The following EYS variants were observed in gnomAD, a reference collection of about 807,000 sequenced individuals.
EYS encodes the protein EGF-like photoreceptor maintenance factor, also known as protein eyes shut homolog.
A neutral mutation model predicts 282.1 loss-of-function variants in EYS; 250 were observed. The ratio of observed to expected loss-of-function variants is 0.89; its 90% CI spans 0.80 to 0.98. The LOEUF (loss-of-function observed/expected upper bound fraction) is 0.98. Among genes scored for constraint, EYS ranks in the 50% least tolerant of loss-of-function variants. The pLI is 0.00. For missense variants in EYS, 4,016 were observed against 3,709.0 expected (o/e 1.08, Z -2.15); for synonymous variants, 1,355 against 1,282.9 (o/e 1.06, Z -1.20).
chr6:64,457,314 A>C (rs1216118455), intron 26 of EYS, among the ~76,000 whole-genome samples: 5 of 151,994 alleles, frequency 3.3e-5, no homozygotes, highest in African/African-American at 1.2e-4. Flanking sequence ...TTTTATGTTT[A>C]GTTGAAAAAA....
intron 5 of EYS, among the ~76,000 whole-genome samples, chr6:65,457,907 C>G (rs140075374): frequency 6.6e-6 from 1 of 152,200 alleles, no homozygotes; most frequent in East Asian, 1.9e-4. Flanking sequence ...GCTGCTCAAG[C>G]TCAGCAAGTA....
At chr6:64,186,563 C>T (rs1463698865) in intron 31 of EYS, among the ~76,000 whole-genome samples, 3 of 151,960 alleles carry the variant, frequency 2.0e-5, no homozygotes, top group Non-Finnish European at 4.4e-5. Context: ...TTTTTGGACC[C>T]CTTAAAAGAA....
intron 30 of EYS, among the ~76,000 whole-genome samples, chr6:64,288,370 A>G (rs575952059): frequency 1.1e-4 from 17 of 152,244 alleles, no homozygotes; most frequent in Non-Finnish European, 2.4e-4. Flanking sequence ...CAAATTCTGC[A>G]TTTCCAAAGT....
chr6:65,139,838 C>T (rs907794138), intron 12 of EYS, among the ~76,000 whole-genome samples: 1 of 152,042 alleles, frequency 6.6e-6, no homozygotes, highest in Admixed American at 6.6e-5. Flanking sequence ...CGAGGTATGT[C>T]AAAAGATGCC....
chr6:64,227,103 T>C (rs1766273384), intron 31 of EYS, among the ~76,000 whole-genome samples: 1 of 152,120 alleles, frequency 6.6e-6, no homozygotes, highest in Non-Finnish European at 1.5e-5. Flanking sequence ...GTCATGTTCT[T>C]TCATCAGTTA....
At chr6:64,546,779 T>A (rs1322059501) in intron 26 of EYS, among the ~76,000 whole-genome samples, 1 of 152,114 alleles carries the variant, frequency 6.6e-6, no homozygotes, top group African/African-American at 2.4e-5. Flanking sequence ...AAAATGCTCA[T>A]CATCACTGGC....
At chr6:65,317,740 A>C (rs997442754) in intron 11 of EYS, among the ~76,000 whole-genome samples, 1 of 151,408 alleles carries the variant, frequency 6.6e-6, no homozygotes, top group South Asian at 2.1e-4. Flanking sequence ...GACAGAGCTC[A>C]ATTCCTTGCT....
chr6:65,228,750 G>T (rs1268176885), intron 12 of EYS, among the ~76,000 whole-genome samples: 1 of 152,018 alleles, frequency 6.6e-6, no homozygotes, highest in Non-Finnish European at 1.5e-5. Context: ...AACACTCTCT[G>T]ACTTCGAGAC....
chr6:65,424,547 T>C (rs982631684), intron 5 of EYS, among the ~76,000 whole-genome samples: 3 of 152,018 alleles, frequency 2.0e-5, no homozygotes, highest in African/African-American at 7.2e-5. Flanking sequence ...ATTTTCCATG[T>C]TTAATGAAAG....
At chr6:63,977,644 C>T (rs1223693907) in intron 35 of EYS, among the ~76,000 whole-genome samples, 4 of 151,938 alleles carry the variant, frequency 2.6e-5, no homozygotes, top group Admixed American at 6.6e-5. Flanking sequence ...ATATTTTCCC[C>T]CTCAGGCAAC....
intron 37 of EYS, among the ~76,000 whole-genome samples, chr6:63,802,167 T>TA (rs1359626135): frequency 1.3e-5 from 2 of 152,254 alleles, no homozygotes; most frequent in African/African-American, 4.8e-5. Flanking sequence ...AGCTTTATGC[T>TA]ATATAAATTG....
intron 35 of EYS, among the ~76,000 whole-genome samples, chr6:63,921,240 AC>A (rs1764566688): frequency 6.6e-6 from 1 of 152,170 alleles, no homozygotes; most frequent in African/African-American, 2.4e-5. Context: ...TACCCGCTGC[AC>A]TGTGTGACTG....
intron 35 of EYS, among the ~76,000 whole-genome samples, chr6:63,949,503 T>A (rs987023209): frequency 2.6e-5 from 4 of 152,226 alleles, no homozygotes; most frequent in African/African-American, 9.6e-5. Context: ...GTTAGGTGCC[T>A]CCTAAAGCTC....
chr6:65,158,114 C>G (rs561357084), intron 12 of EYS, among the ~76,000 whole-genome samples: 1 of 150,936 alleles, frequency 6.6e-6, no homozygotes, highest in South Asian at 2.1e-4. Context: ...CAATATACAT[C>G]AAATATTCTC....
intron 2 of EYS, among the ~76,000 whole-genome samples, chr6:65,526,322 T>G (rs1198991484): frequency 6.6e-6 from 1 of 152,150 alleles, no homozygotes; most frequent in Non-Finnish European, 1.5e-5. Flanking sequence ...AACACAAAGA[T>G]TCAGAGATCA....
At chr6:65,177,023 A>G (rs1268898120) in intron 12 of EYS, among the ~76,000 whole-genome samples, 1 of 151,750 alleles carries the variant, frequency 6.6e-6, no homozygotes, top group Non-Finnish European at 1.5e-5. Context: ...TGTTTTCCAA[A>G]TCATTACTTA....
At chr6:64,744,881 T>C (rs763929064) in intron 22 of EYS, among the ~76,000 whole-genome samples, 11 of 152,324 alleles carry the variant, frequency 7.2e-5, no homozygotes, top group African/African-American at 2.4e-4. Context: ...TTTCCAGATA[T>C]ACTGGAAAGA....
chr6:65,216,058 G>A (rs1766304634), intron 12 of EYS, among the ~76,000 whole-genome samples: 1 of 151,934 alleles, frequency 6.6e-6, no homozygotes, highest in Non-Finnish European at 1.5e-5. Context: ...GTGTTCTTTT[G>A]TCAGCATGGT....
intron 26 of EYS, among the ~76,000 whole-genome samples, chr6:64,452,967 A>C (rs924811141): frequency 1.3e-5 from 2 of 152,244 alleles, no homozygotes; most frequent in African/African-American, 4.8e-5. Flanking sequence ...TTCATGTCTA[A>C]AACACCAAAA....
Sources: allele counts gnomAD v4.1 joint callset (sites outside exome capture counted in the v4.1 genomes callset), GRCh38; gene constraint gnomAD v4.1.1; transcripts MANE v1.5; gene names NCBI Gene and HGNC (gene_info 2026-07-23, HGNC 2026-07-21).